The following EBF2 variants were observed in gnomAD, a reference collection of about 807,000 sequenced individuals.
EBF2 encodes EBF transcription factor 2.
In EBF2, 21 loss-of-function variants were observed where a neutral mutation model predicts 72.8. The observed-to-expected ratio is 0.29, with a 90% confidence interval of 0.20 to 0.42. The LOEUF is 0.42. Among genes scored for constraint, EBF2 ranks in the 10% least tolerant of loss-of-function variants. EBF2 has a pLI of 1.00. For synonymous variants in EBF2, 299 were observed against 274.2 expected (o/e 1.09, Z -0.89); for missense variants, 637 against 731.2 (o/e 0.87, Z 1.49).
At chr8:25,894,615 C>A (rs543246574) in intron 7 of EBF2, among the ~76,000 whole-genome samples, 2 of 152,312 alleles carry the variant, frequency 1.3e-5, no homozygotes, top group African/African-American at 4.8e-5. Context: ...CAGGCCACAG[C>A]AGCTTAATGT....
chr8:25,861,557 A>G lies in EBF2; in HGVS notation c.1099-183T>C, dbSNP rs187869563. Among the ~76,000 whole-genome samples, 285 of 152,336 alleles carry G rather than the reference A, an allele frequency of 1.9e-3. 2 individuals carry two copies. Among genetic ancestry groups the G allele is most frequent in the African/African-American group, 6.4e-3 (268 of 41,570 alleles). On this transcript the variant is annotated intron_variant, in intron 11 of 15. Transcript: ENST00000520164. ...TGTACATGTACATCTCTCTGTAAAT[A>G]CGTATCTATCTGAAATTCACCTCTA...
At position 25,844,488 on chromosome 8, in the gene EBF2, C is replaced by G; in HGVS notation, c.*121G>C. 1 of 1,160,630 alleles carries G rather than the reference C, an allele frequency of 8.6e-7. No homozygotes were observed. Among genetic ancestry groups the G allele is most frequent in the Admixed American group, 1.8e-5 (1 of 56,538 alleles). The allele number at this position is 1,160,630 out of a possible 1,614,324, so 71.9% of individuals were successfully genotyped here. ...GTAAGATGCTGGCTCCTTGCAGACC[C>G]AAGGGTGTCCATCATGTTCATGTGG... On this transcript the variant is annotated 3_prime_UTR_variant, in exon 16 of 16. Coordinates refer to ENST00000520164, the MANE Select transcript of EBF2 (RefSeq NM_022659.4).
chr8:25,863,112 TTTATA>T (rs1307010096), intron 10 of EBF2, among the ~76,000 whole-genome samples: 5 of 152,080 alleles, frequency 3.3e-5, no homozygotes, highest in Admixed American at 6.6e-5. Context: ...ATAAACTACT[TTTATA>T]TTATTTTCCT....
chr8:25,954,175 G>T (rs957506236), intron 6 of EBF2, among the ~76,000 whole-genome samples: 1 of 152,228 alleles, frequency 6.6e-6, no homozygotes, highest in Non-Finnish European at 1.5e-5. Flanking sequence ...GTATGTGTGG[G>T]AGAGAGAAGG....
intron 10 of EBF2, among the ~76,000 whole-genome samples, chr8:25,864,200 C>T (rs1563380343): frequency 1.3e-5 from 2 of 152,162 alleles, no homozygotes; most frequent in South Asian, 4.1e-4. Flanking sequence ...GGTCAAATCA[C>T]TCCTCAGGAG....
chr8:26,020,484 C>G (rs1296676764), intron 6 of EBF2, among the ~76,000 whole-genome samples: 2 of 152,190 alleles, frequency 1.3e-5, no homozygotes, highest in Non-Finnish European at 2.9e-5. Flanking sequence ...AGGAGAAAGG[C>G]ACCAGGGTGC....
At chr8:25,881,193 G>C (rs1337928358) in intron 10 of EBF2, among the ~76,000 whole-genome samples, 1 of 152,104 alleles carries the variant, frequency 6.6e-6, no homozygotes, top group African/African-American at 2.4e-5. Flanking sequence ...AAATCTGATG[G>C]TGGCAATATT....
chr8:25,901,299 G>A (rs530485258), intron 7 of EBF2, among the ~76,000 whole-genome samples: 11 of 151,808 alleles, frequency 7.2e-5, no homozygotes, highest in South Asian at 4.2e-4. Context: ...GCACACACCC[G>A]TAGTCCTAGC....
chr8:26,038,584 C>T (rs945669857), intron 5 of EBF2, among the ~76,000 whole-genome samples: 1 of 152,206 alleles, frequency 6.6e-6, no homozygotes, highest in Non-Finnish European at 1.5e-5. Flanking sequence ...AACCTCCCTT[C>T]AACTAACCAA....
chr8:25,905,562 G>A (rs889439522), intron 7 of EBF2, among the ~76,000 whole-genome samples: 1 of 152,110 alleles, frequency 6.6e-6, no homozygotes, highest in Non-Finnish European at 1.5e-5. Flanking sequence ...AAAACATTAT[G>A]CTAACAGACA....
chr8:26,043,454 G>T (rs945929468), intron 1 of EBF2, among the ~76,000 whole-genome samples: 73 of 152,360 alleles, frequency 4.8e-4, no homozygotes, highest in African/African-American at 1.7e-3. Flanking sequence ...GGAAATGCGC[G>T]GCACAGTTGG....
At chr8:25,891,462 A>C (rs1378237689) in intron 7 of EBF2, among the ~76,000 whole-genome samples, 1 of 152,216 alleles carries the variant, frequency 6.6e-6, no homozygotes, top group African/African-American at 2.4e-5. Context: ...TACAAAATGA[A>C]GAGTCGTGTT....
At chr8:25,932,784 T>C (rs1803505916) in intron 6 of EBF2, among the ~76,000 whole-genome samples, 2 of 152,104 alleles carry the variant, frequency 1.3e-5, no homozygotes, top group Admixed American at 1.3e-4. Flanking sequence ...TACTGATTAG[T>C]AAAAAGCTCA....
At chr8:25,971,566 C>T (rs73225963) in intron 6 of EBF2, among the ~76,000 whole-genome samples, 6 of 152,132 alleles carry the variant, frequency 3.9e-5, no homozygotes, top group Non-Finnish European at 8.8e-5. Context: ...TCGTTTACAA[C>T]AGAAATTATT....
chr8:25,850,173 C>A (rs181839512), intron 15 of EBF2, among the ~76,000 whole-genome samples: 4 of 152,230 alleles, frequency 2.6e-5, no homozygotes, highest in African/African-American at 9.6e-5. Context: ...AGTGCAATGG[C>A]GCGATCTCAG....
chr8:26,043,771 A>G (rs1805650936), intron 1 of EBF2, among the ~76,000 whole-genome samples: 1 of 152,156 alleles, frequency 6.6e-6, no homozygotes. Context: ...AAGCGAGGGT[A>G]GTGGAAGAAG....
intron 6 of EBF2, among the ~76,000 whole-genome samples, chr8:26,026,896 T>C (rs930907702): frequency 2.6e-5 from 4 of 152,216 alleles, no homozygotes; most frequent in African/African-American, 9.6e-5. Flanking sequence ...CTTGAGACTT[T>C]TATCAACCAT....
intron 6 of EBF2, among the ~76,000 whole-genome samples, chr8:25,923,415 C>A (rs113134579): frequency 2.2e-3 from 332 of 152,238 alleles, no homozygotes; most frequent in African/African-American, 7.5e-3. Flanking sequence ...AAAATCAGGC[C>A]CGGTATTTTT....
chr8:25,844,620 G>T lies in EBF2; in HGVS notation c.1717C>A (p.Pro573Thr), dbSNP rs1411930577. ...GFRAMTGLVV[P>T]PM ...AAAGCAGTTCTTCTTTACATCGGGG[G>T]TACAACAAGTCCGGTCATGGCTGCA... Residue 573 changes from proline (P) to threonine (T), a missense_variant, in exon 16 of 16, where the codon CCC (proline) becomes ACC (threonine). Physicochemically the swap from Pro to Thr is conservative, Grantham distance 38. Around this residue, in one of 3 missense-constraint regions of EBF2, gnomAD observed 259 missense variants for 268.1 expected, o/e 0.97. Coordinates refer to ENST00000520164, the MANE Select transcript of EBF2 (RefSeq NM_022659.4). 15 of 1,613,996 alleles carry T rather than the reference G, an allele frequency of 9.3e-6. No homozygotes were observed. The highest frequency in any genetic ancestry group is 8.9e-5 in the East Asian group (4 of 44,880).
Sources: gnomAD v4.1 joint callset for allele counts (sites outside exome capture counted in the v4.1 genomes callset) on GRCh38, gnomAD v4.1.1 for gene constraint, gnomAD v4.1.1 regional missense constraint, MANE v1.5 for transcripts, NCBI Gene and HGNC (gene_info 2026-07-23, HGNC 2026-07-21) for gene names.